Variants in LAMA2 observed in about 807,000 individuals in gnomAD.
The protein encoded by LAMA2 is laminin subunit alpha 2.
LAMA2 carries 269 observed loss-of-function variants against 364.8 expected under a neutral mutation model. That is an observed-to-expected ratio of 0.74 (90% CI 0.67 to 0.82). LAMA2 has a LOEUF of 0.82. Ranked by LOEUF, LAMA2 falls within the 40% of genes least tolerant of loss-of-function variation. The pLI, the probability that LAMA2 is intolerant of heterozygous loss-of-function variation, is 0.00. For missense variants in LAMA2, 3,807 were observed against 3,873.2 expected (o/e 0.98, Z 0.45); for synonymous variants, 1,379 against 1,370.6 (o/e 1.01, Z -0.14).
chr6:129,235,853 GTGTGATGAAA>G (rs1784949528), intron 12 of LAMA2, among the ~76,000 whole-genome samples: 1 of 152,058 alleles, frequency 6.6e-6, no homozygotes, highest in Non-Finnish European at 1.5e-5. Context: ...CTACTTATAT[GTGTGATGAAA>G]TGTGCAGACT....
intron 1 of LAMA2, among the ~76,000 whole-genome samples, chr6:129,036,641 A>AG (rs1338479441): frequency 5.3e-5 from 8 of 152,090 alleles, no homozygotes; most frequent in Admixed American, 5.2e-4. Context: ...TTAAAAAAAA[A>AG]AAGAAGAAGA....
chr6:129,030,652 G>A (rs1026629212), intron 1 of LAMA2, among the ~76,000 whole-genome samples: 3 of 152,052 alleles, frequency 2.0e-5, no homozygotes, highest in Non-Finnish European at 4.4e-5. Context: ...AACATTAATT[G>A]TACATAACAT....
intron 62 of LAMA2, 138 bp from the exon 63 acceptor site, chr6:129,512,225 A>T: frequency 1.3e-6 from 1 of 770,278 alleles, no homozygotes; most frequent in Admixed American, 2.3e-5. Flanking sequence ...TAGGCCAGGC[A>T]GGATCTGAAA....
intron 12 of LAMA2, among the ~76,000 whole-genome samples, chr6:129,240,882 A>C (rs1785353602): frequency 6.6e-6 from 1 of 152,204 alleles, no homozygotes; most frequent in Admixed American, 6.5e-5. Context: ...TGTCTAAGTG[A>C]CTTAAATATT....
At chr6:129,469,921 C>T (rs942876620) in intron 51 of LAMA2, among the ~76,000 whole-genome samples, 5 of 151,718 alleles carry the variant, frequency 3.3e-5, no homozygotes, top group African/African-American at 4.8e-5. Flanking sequence ...AGAAAGCAGA[C>T]GGATGCTACT....
At chr6:129,472,559 T>C (rs991126105) in intron 51 of LAMA2, among the ~76,000 whole-genome samples, 1 of 151,964 alleles carries the variant, frequency 6.6e-6, no homozygotes, top group Non-Finnish European at 1.5e-5. Context: ...TATTTCTGAA[T>C]TCTTATCTTC....
chr6:129,454,938 T>A (rs1782877577), intron 47 of LAMA2, among the ~76,000 whole-genome samples: 1 of 152,126 alleles, frequency 6.6e-6, no homozygotes, highest in African/African-American at 2.4e-5. Context: ...TTGAAAGGTA[T>A]GGTTAAGGGC....
At chr6:129,465,030 G>C in intron 50 of LAMA2, 115 bp from the exon 51 acceptor site, 1 of 835,522 alleles carries the variant, frequency 1.2e-6, no homozygotes, top group Non-Finnish European at 2.1e-6. Flanking sequence ...CTGCAACAGA[G>C]TGACATATTC....
chr6:129,448,285 C>G (rs895021876), intron 45 of LAMA2, among the ~76,000 whole-genome samples: 2 of 150,990 alleles, frequency 1.3e-5, no homozygotes, highest in East Asian at 1.9e-4. Flanking sequence ...CCTGTCCCCC[C>G]CCAAAAAAAA....
rs2114503119 is a variant in LAMA2 at position 129,316,122 on chromosome 6, C to T, written c.4009C>T (p.His1337Tyr). 1.9e-6 allele frequency: 3 copies of T among 1,606,130 alleles called. No individual in the cohort carries two copies. Among genetic ancestry groups the T allele is most frequent in the Non-Finnish European group, 2.6e-6 (3 of 1,173,174 alleles). ...CTTCTTGGATATACTATATGATATTCATTACATTCTTATCAAAGCTACTTA... is the reference window on the plus strand; with the variant it reads ...CTTCTTGGATATACTATATGATATTTATTACATTCTTATCAAAGCTACTTA... ...EDFLDILYDI[H>Y]YILIKATYGN... is the part of the protein sequence containing the mutation. The change falls in exon 27 of 65, where the codon CAT becomes TAT. Residue 1337 changes from histidine (H) to tyrosine (Y), a missense_variant. His to Tyr is a moderately conservative substitution (Grantham distance 83). This residue lies in a region of LAMA2 where 3,333 missense variants were observed against 3,345.7 expected (regional missense o/e 1.00). Transcript: ENST00000421865.
rs192124735 is a variant in LAMA2, at chr6:128,903,616, G to A, written c.112+20259G>A. The stretch of plus-strand genomic sequence containing the variant: ...TAGCAGTAATTCTAAAACCTTTGTG[G>A]ACATTAAGCTGTAATTGTAGCTTTC... On this transcript the variant is annotated intron_variant, in intron 1 of 64. Transcript: ENST00000421865. Among the ~76,000 whole-genome samples, 6 of 152,270 alleles carry A rather than the reference G, an allele frequency of 3.9e-5. No homozygotes were observed. The East Asian group carries it at 1.2e-3, about 29-fold the overall frequency.
At chr6:128,904,685 A>G (rs562008110) in intron 1 of LAMA2, among the ~76,000 whole-genome samples, 155 of 152,052 alleles carry the variant, frequency 1.0e-3, no homozygotes, top group African/African-American at 3.5e-3. Context: ...TCTCGAACTC[A>G]TGACCTTGTG....
At chr6:129,081,415 A>T (rs1774049705) in intron 3 of LAMA2, among the ~76,000 whole-genome samples, 1 of 152,216 alleles carries the variant, frequency 6.6e-6, no homozygotes, top group South Asian at 2.1e-4. Context: ...AACTTAAAAA[A>T]AATGAAATGT....
At chr6:129,021,638 T>C (rs927843168) in intron 1 of LAMA2, among the ~76,000 whole-genome samples, 8 of 152,334 alleles carry the variant, frequency 5.3e-5, no homozygotes, top group African/African-American at 1.9e-4. Flanking sequence ...AGCATCCCTT[T>C]GAATAGCTCA....
chr6:129,198,701 G>A (rs1781995127), intron 12 of LAMA2, among the ~76,000 whole-genome samples: 1 of 151,558 alleles, frequency 6.6e-6, no homozygotes, highest in Admixed American at 6.6e-5. Context: ...AACAAATAAG[G>A]AAGTATCAGA....
rs749423866 is a variant in LAMA2 at position 129,401,287 on chromosome 6, G to A, written c.5509G>A (p.Asp1837Asn). The A allele has an allele frequency of 5.1e-5, 83 of 1,612,932 alleles. No individual in the cohort carries two copies. In the Admixed American group the frequency reaches 1.2e-3, roughly 24 times the overall value. ...QIENTLKEGN[D>N]ILDEANRLAD... The stretch of plus-strand genomic sequence containing the variant: ...TGAGAACACTTTAAAAGAGGGCAAT[G>A]ACATACTCGATGAAGCCAACCGTCT... Residue 1837 changes from aspartate to asparagine, a missense_variant, in exon 38 of 65, where the codon GAC becomes AAC. Transcript: ENST00000421865.
At chr6:129,035,887 T>A (rs979635315) in intron 1 of LAMA2, among the ~76,000 whole-genome samples, 2 of 152,106 alleles carry the variant, frequency 1.3e-5, no homozygotes, top group African/African-American at 4.8e-5. Flanking sequence ...AGCCTCATAG[T>A]CTCAGAGCAT....
chr6:129,140,189 T>C (rs1241606218), intron 4 of LAMA2, among the ~76,000 whole-genome samples: 1 of 152,136 alleles, frequency 6.6e-6, no homozygotes, highest in African/African-American at 2.4e-5. Context: ...AAATGTATTC[T>C]AAAATAAAAA....
chr6:129,159,238 C>A (rs1474627018), intron 8 of LAMA2: 3 of 862,970 alleles, frequency 3.5e-6, no homozygotes, highest in Non-Finnish European at 5.8e-6. Context: ...AAGCACTTGA[C>A]AATGACTTCA....
Sources: allele counts gnomAD v4.1 joint callset (sites outside exome capture counted in the v4.1 genomes callset), GRCh38; gene constraint gnomAD v4.1.1; regional missense constraint gnomAD v4.1.1; transcripts MANE v1.5; gene names NCBI Gene and HGNC (gene_info 2026-07-23, HGNC 2026-07-21).